The following THSD7B variants were observed in gnomAD, a reference collection of about 807,000 sequenced individuals.
The protein encoded by THSD7B is thrombospondin type-1 domain-containing protein 7B.
In THSD7B, 138 loss-of-function variants were observed where a neutral mutation model predicts 213.6. The observed-to-expected ratio is 0.65, with a 90% confidence interval of 0.56 to 0.74. The LOEUF (loss-of-function observed/expected upper bound fraction) is 0.74, where lower values mean the gene tolerates loss of function less well. Among genes scored for constraint, THSD7B ranks in the 30% least tolerant of loss-of-function variants. The probability of loss-of-function intolerance (pLI) is 0.00; values close to 1 mark genes in which losing one functional copy is unlikely to be tolerated. For synonymous variants in THSD7B, 742 were observed against 687.0 expected (o/e 1.08, Z -1.25); for missense variants, 1,931 against 1,991.5 (o/e 0.97, Z 0.58).
intron 2 of THSD7B, among the ~76,000 whole-genome samples, chr2:136,906,753 T>C (rs907119001): frequency 4.6e-5 from 7 of 152,070 alleles, no homozygotes; most frequent in African/African-American, 1.7e-4. Flanking sequence ...TTTTTAGTGG[T>C]CCTTTGAGTT....
chr2:137,258,616 C>T (rs1158666395), intron 10 of THSD7B, among the ~76,000 whole-genome samples: 2 of 151,980 alleles, frequency 1.3e-5, no homozygotes, highest in Non-Finnish European at 2.9e-5. Flanking sequence ...TGCCCCCCAC[C>T]CGCCACAGGC....
At chr2:137,559,102 A>G (rs1327210527) in intron 15 of THSD7B, among the ~76,000 whole-genome samples, 1 of 152,192 alleles carries the variant, frequency 6.6e-6, no homozygotes, top group African/African-American at 2.4e-5. Flanking sequence ...AAGCTCATGG[A>G]TAGGAAGAAT....
intron 15 of THSD7B, among the ~76,000 whole-genome samples, chr2:137,526,181 T>C (rs10196011): frequency 0.59 from 89,486 of 151,868 alleles, 27,520 homozygotes; most frequent in African/African-American, 0.77. Flanking sequence ...AATAGGATAC[T>C]GGGCTACTGG....
intron 15 of THSD7B, among the ~76,000 whole-genome samples, chr2:137,522,592 G>A (rs1012654015): frequency 6.6e-6 from 1 of 151,856 alleles, no homozygotes; most frequent in African/African-American, 2.4e-5. Context: ...AGGGAACTGT[G>A]GAATTTCTTC....
At chr2:137,317,288 A>G (rs1684134364) in intron 12 of THSD7B, among the ~76,000 whole-genome samples, 2 of 152,222 alleles carry the variant, frequency 1.3e-5, no homozygotes, top group African/African-American at 4.8e-5. Context: ...ATTATTTATT[A>G]ATGCTACATG....
At position 137,655,587 on chromosome 2, in the gene THSD7B, C is replaced by T. The variant is rs761653221; in HGVS notation, c.4032C>T (p.Val1344=). 9.3e-6 allele frequency: 15 copies of T among 1,612,564 alleles called. No individual in the cohort carries two copies. Among genetic ancestry groups the T allele is most frequent in the East Asian group, 6.7e-5 (3 of 44,850 alleles). Residue 1344 remains valine, a synonymous_variant, in exon 22 of 28, where the codon GTC becomes GTT. Coordinates refer to ENST00000409968, the MANE Select transcript of THSD7B (RefSeq NM_001316349.2). ...CAATATCTCATGCAGCTGGACGTGT[C>T]GAGGATGCACTGTGTGGAGAAATGC... is the stretch of plus-strand genomic sequence containing the variant. The part of the protein sequence containing the change: ...SGSISHAAGR[V]EDALCGEMPF...
intron 2 of THSD7B, among the ~76,000 whole-genome samples, chr2:136,947,096 G>C (rs776837929): frequency 6.6e-6 from 1 of 152,094 alleles, no homozygotes; most frequent in Admixed American, 6.5e-5. Context: ...GATTGGAGCT[G>C]TTCCTATTCG....
chr2:137,390,473 A>G (rs1685996494), intron 12 of THSD7B, among the ~76,000 whole-genome samples: 1 of 152,188 alleles, frequency 6.6e-6, no homozygotes, highest in African/African-American at 2.4e-5. Context: ...AAATCATGTC[A>G]TCTGCAAAGA....
At chr2:137,114,762 G>A (rs898938316) in intron 4 of THSD7B, among the ~76,000 whole-genome samples, 1 of 152,160 alleles carries the variant, frequency 6.6e-6, no homozygotes, top group Non-Finnish European at 1.5e-5. Context: ...GAAAGTCTGT[G>A]GAGTGAAATC....
rs115040174 is a variant in THSD7B at position 137,357,404 on chromosome 2, C to A, written c.2501-48209C>A. Reference sequence around the variant, plus strand: ...GGGAAAAATAATATGTTTTTCTGAGCTTTAGAGTTTTTTTGTTTGTTTGTT... The same window carrying A: ...GGGAAAAATAATATGTTTTTCTGAGATTTAGAGTTTTTTTGTTTGTTTGTT... On this transcript the variant is annotated intron_variant, in intron 12 of 27. Coordinates refer to ENST00000409968, the MANE Select transcript of THSD7B (RefSeq NM_001316349.2). Among the ~76,000 whole-genome samples, 1,488 of 151,696 alleles carry A rather than the reference C, an allele frequency of 9.8e-3. 27 individuals are homozygous for A. Among genetic ancestry groups the A allele is most frequent in the African/African-American group, 0.035 (1,438 of 41,158 alleles).
At chr2:137,190,906 G>T (rs1027385802) in intron 7 of THSD7B, among the ~76,000 whole-genome samples, 35 of 152,288 alleles carry the variant, frequency 2.3e-4, no homozygotes, top group African/African-American at 7.9e-4. Context: ...GCTGTTTGCT[G>T]GCAGCGGACT....
chr2:137,658,168 A>G lies in THSD7B; in HGVS notation c.4375+1008A>G, dbSNP rs181384548. Among the ~76,000 whole-genome samples, 14 of 152,326 alleles carry G rather than the reference A, an allele frequency of 9.2e-5. No individual in the cohort carries two copies. The East Asian group carries it at 1.5e-3, about 17-fold the overall frequency. ...CTTTTTCTTGTTTACTTGCTCTTGC[A>G]CTATTGGTATTCTTTTTAATTTAAA... On this transcript the variant is annotated intron_variant, in intron 24 of 27. Transcript: ENST00000409968.
intron 12 of THSD7B, among the ~76,000 whole-genome samples, chr2:137,329,410 G>A (rs1337600511): frequency 6.6e-6 from 1 of 152,138 alleles, no homozygotes; most frequent in Non-Finnish European, 1.5e-5. Flanking sequence ...CTGTTGCCTG[G>A]AGTGGAGTGA....
intron 12 of THSD7B, among the ~76,000 whole-genome samples, chr2:137,312,643 T>C (rs983501013): frequency 1.5e-4 from 22 of 150,218 alleles, no homozygotes; most frequent in African/African-American, 5.2e-4. Context: ...TGTGGGCATT[T>C]AGTGCTATAA....
intron 1 of THSD7B, among the ~76,000 whole-genome samples, chr2:136,850,948 A>G (rs540013562): frequency 6.6e-6 from 1 of 152,082 alleles, no homozygotes; most frequent in East Asian, 1.9e-4. Flanking sequence ...ATAAAATGAG[A>G]GATTTAAATT....
At chr2:137,365,229 C>A (rs986638410) in intron 12 of THSD7B, among the ~76,000 whole-genome samples, 4 of 152,172 alleles carry the variant, frequency 2.6e-5, no homozygotes, top group Admixed American at 2.6e-4. Context: ...ACACCTTATA[C>A]AAAAATTAAT....
At chr2:137,458,572 G>A (rs1176421197) in intron 15 of THSD7B, among the ~76,000 whole-genome samples, 9 of 152,100 alleles carry the variant, frequency 5.9e-5, no homozygotes, top group African/African-American at 9.7e-5. Flanking sequence ...CCCATCAAGC[G>A]GAAAGCTTGC....
intron 11 of THSD7B, among the ~76,000 whole-genome samples, chr2:137,273,591 TCAAGGGCTAATTTATTTGGGAAAATA>T (rs1211147929): frequency 6.6e-6 from 1 of 152,140 alleles, no homozygotes; most frequent in Non-Finnish European, 1.5e-5. Flanking sequence ...GCTGTGAAAT[TCAAGGGCTAATTTATTTGGGAAAATA>T]CAAGTCATTT....
In THSD7B at chr2:137,334,194, CTCTCTCTT is replaced by C. The variant is rs1292948006; in HGVS notation, c.2500+58181_2500+58188del. Among the ~76,000 whole-genome samples, 254 of 138,068 alleles carry C rather than the reference CTCTCTCTT, an allele frequency of 1.8e-3. 2 individuals carry two copies. Among genetic ancestry groups the C allele is most frequent in the Middle Eastern group, 0.015 (4 of 272 alleles). The allele number at this position is 138,068 out of a possible 152,430, so 90.6% of individuals were successfully genotyped here. A position where few individuals can be genotyped will look rare whatever the true frequency, so the allele number is the denominator to read the frequency against. On this transcript the variant is annotated intron_variant, in intron 12 of 27. Coordinates refer to ENST00000409968, the MANE Select transcript of THSD7B (RefSeq NM_001316349.2). ...TTTCTCTCTCTCTCTCTCTCTCTCT[CTCTCTCTT>C]TCTCTCTTTCTCCTTCCTTCCTTCC...
Sources: gnomAD v4.1 joint callset for allele counts (sites outside exome capture counted in the v4.1 genomes callset) on GRCh38, gnomAD v4.1.1 for gene constraint, MANE v1.5 for transcripts, NCBI Gene and HGNC (gene_info 2026-07-23, HGNC 2026-07-21) for gene names.